The following ADGRL2 variants were observed in gnomAD, a reference collection of about 807,000 sequenced individuals.
The protein encoded by ADGRL2 is calcium-independent alpha-latrotoxin receptor 2.
ADGRL2 carries 44 observed loss-of-function variants against 157.4 expected under a neutral mutation model. The observed-to-expected ratio is 0.28, with a 90% CI of 0.22 to 0.36. The LOEUF (loss-of-function observed/expected upper bound fraction) is 0.36. Among genes scored for constraint, ADGRL2 ranks in the 10% least tolerant of loss-of-function variants. The pLI, the probability that ADGRL2 is intolerant of heterozygous loss-of-function variation, is 1.00. For synonymous variants in ADGRL2, 585 were observed against 624.7 expected (o/e 0.94, Z 0.95); for missense variants, 1,510 against 1,768.9 (o/e 0.85, Z 2.63).
At chr1:81,699,248 A>G (rs9725011), upstream of ADGRL2, among the ~76,000 whole-genome samples, 21,514 of 152,220 alleles carry the variant, frequency 0.14, 1,562 homozygotes, top group African/African-American at 0.16. Flanking sequence ...ACATAAAAAG[A>G]GCCCATTTTT....
At chr1:81,672,495 C>CTATT (rs1319447964) in intron 3 of ADGRL2, among the ~76,000 whole-genome samples, 2 of 152,170 alleles carry the variant, frequency 1.3e-5, no homozygotes, top group Non-Finnish European at 2.9e-5. Flanking sequence ...GCCATAATAA[C>CTATT]TATTTTTTCT....
chr1:81,607,648 G>A (rs976708291), intron 3 of ADGRL2, among the ~76,000 whole-genome samples: 18 of 152,104 alleles, frequency 1.2e-4, no homozygotes, highest in Admixed American at 2.6e-4. Context: ...TCATGTATTC[G>A]TATATCCCTT....
intron 2 of ADGRL2, among the ~76,000 whole-genome samples, chr1:81,789,288 A>G (rs960151734): frequency 1.3e-5 from 2 of 152,234 alleles, no homozygotes; most frequent in Non-Finnish European, 2.9e-5. Context: ...GTGATGTGTA[A>G]TAAGTTCTAT....
chr1:81,612,727 A>C (rs1436413450), intron 3 of ADGRL2, among the ~76,000 whole-genome samples: 1 of 152,170 alleles, frequency 6.6e-6, no homozygotes, highest in East Asian at 1.9e-4. Context: ...ACAAACAAAC[A>C]AACCCCTGAT....
At chr1:81,493,386 A>G (rs1300488745) in intron 2 of ADGRL2, among the ~76,000 whole-genome samples, 1 of 152,174 alleles carries the variant, frequency 6.6e-6, no homozygotes, top group Non-Finnish European at 1.5e-5. Context: ...ACTTATCTTT[A>G]TCTATCACTG....
At chr1:81,931,062 T>C (rs1385540619) in intron 3 of ADGRL2, among the ~76,000 whole-genome samples, 1 of 152,158 alleles carries the variant, frequency 6.6e-6, no homozygotes, top group African/African-American at 2.4e-5. Flanking sequence ...GGCAGGAGAA[T>C]TGCTTGACCC....
chr1:81,936,086 A>G (rs1234041130), intron 3 of ADGRL2, among the ~76,000 whole-genome samples: 2 of 151,944 alleles, frequency 1.3e-5, no homozygotes, highest in East Asian at 3.8e-4. Context: ...GACATTACAT[A>G]TGTGCCAAAG....
rs61773964 is a variant in ADGRL2, at chr1:81,970,918, T to C, written c.2954+384T>C. Among the ~76,000 whole-genome samples the C allele has an allele frequency of 5.6e-3, 857 of 152,292 alleles. 3 individuals carry two copies. The highest frequency in any genetic ancestry group is 6.4e-3 in the Non-Finnish European group (436 of 68,000). ...AGCTCTCTTTGTGCAGCTGACCCTC[T>C]ATAGCTAACTCTCATTCTGAATTGT... On this transcript the variant is annotated intron_variant, in intron 16 of 23. Transcript: ENST00000686636.
chr1:81,422,434 G>A (rs1478473846), intron 1 of ADGRL2, among the ~76,000 whole-genome samples: 1 of 152,084 alleles, frequency 6.6e-6, no homozygotes, highest in Admixed American at 6.5e-5. Flanking sequence ...CAGTGGAGAC[G>A]GGGTTTCACC....
intron 3 of ADGRL2, among the ~76,000 whole-genome samples, chr1:81,609,632 G>A (rs1327644779): frequency 6.6e-6 from 1 of 152,164 alleles, no homozygotes; most frequent in African/African-American, 2.4e-5. Context: ...GTCCTTTTAG[G>A]TGTTCCCTCC....
chr1:81,399,624 TTC>T (rs765842146), intron 1 of ADGRL2, among the ~76,000 whole-genome samples: 1 of 152,180 alleles, frequency 6.6e-6, no homozygotes, highest in African/African-American at 2.4e-5. Flanking sequence ...GCTGCACAAT[TTC>T]TGTTTGGTTC....
At chr1:81,807,129 A>G (rs697985) in intron 1 of ADGRL2, among the ~76,000 whole-genome samples, 107,322 of 151,820 alleles carry the variant, frequency 0.71, 38,031 homozygotes, top group Admixed American at 0.77. Flanking sequence ...AGATTTCGAT[A>G]AAGCATTAAA....
intron 3 of ADGRL2, among the ~76,000 whole-genome samples, chr1:81,611,037 A>C: frequency 6.6e-6 from 1 of 152,338 alleles, no homozygotes; most frequent in Non-Finnish European, 1.5e-5. Flanking sequence ...TAAGGCTAAT[A>C]AATTTTTTCA....
At chr1:81,705,051 T>A (rs1415927570) in intron 1 of ADGRL2, among the ~76,000 whole-genome samples, 17 of 152,114 alleles carry the variant, frequency 1.1e-4, no homozygotes, top group Admixed American at 6.5e-5. Context: ...CTTTTAATTT[T>A]ATTTATTTAT....
At chr1:81,704,644 C>T (rs11163350) in intron 1 of ADGRL2, among the ~76,000 whole-genome samples, 41,069 of 152,024 alleles carry the variant, frequency 0.27, 6,049 homozygotes, top group South Asian at 0.35. Flanking sequence ...TCCCAGATCC[C>T]AAGTCTAAGG....
intron 1 of ADGRL2, among the ~76,000 whole-genome samples, chr1:81,429,278 C>CA (rs1228529066): frequency 1.3e-5 from 2 of 150,734 alleles, no homozygotes; most frequent in African/African-American, 4.9e-5. Context: ...CTACTGTTAC[C>CA]TTTTTTTTTA....
intron 3 of ADGRL2, among the ~76,000 whole-genome samples, chr1:81,918,097 G>T (rs543449824): frequency 3.3e-5 from 5 of 152,304 alleles, no homozygotes; most frequent in South Asian, 4.1e-4. Context: ...TGGAAGTTCA[G>T]TTGGTGTTAA....
Position 81,990,861 on chromosome 1 carries a change from C to T in ADGRL2, c.4126C>T (p.Pro1376Ser). ...AGAGGCTGAAGATCACCTACAGTCC[C>T]CCAACAGAGACTCTCTTTATACAAG... ...TAEAEDHLQS[P>S]NRDSLYTSMP... The change falls in exon 24 of 24, where the codon CCC (proline) becomes TCC (serine). Residue 1376 changes from proline to serine, a missense_variant. Pro to Ser is a moderately conservative substitution (Grantham distance 74, BLOSUM62 -1). Coordinates refer to ENST00000686636, the MANE Select transcript of ADGRL2 (RefSeq NM_001366006.2). 1 of 1,614,062 alleles carries T rather than the reference C, an allele frequency of 6.2e-7. No homozygotes were observed. Among genetic ancestry groups the T allele is most frequent in the South Asian group, 1.1e-5 (1 of 91,088 alleles).
intron 2 of ADGRL2, among the ~76,000 whole-genome samples, chr1:81,852,102 G>A (rs1035745959): frequency 2.0e-5 from 3 of 151,996 alleles, no homozygotes; most frequent in Admixed American, 2.0e-4. Flanking sequence ...TGAGGTTTCA[G>A]AAGTGCTAGT....
Sources: allele counts gnomAD v4.1 joint callset (sites outside exome capture counted in the v4.1 genomes callset), GRCh38; gene constraint gnomAD v4.1.1; transcripts MANE v1.5; gene names NCBI Gene and HGNC (gene_info 2026-07-23, HGNC 2026-07-21).